Variants in PRKCSH observed in about 807,000 individuals in gnomAD.
The protein encoded by PRKCSH is glucosidase 2 subunit beta.
Under a neutral mutation model 79.7 loss-of-function variants are expected in PRKCSH, and 42 were observed. The observed-to-expected ratio is 0.53, with a 90% CI of 0.41 to 0.68. The LOEUF (loss-of-function observed/expected upper bound fraction) is 0.68. Among genes scored for constraint, PRKCSH ranks in the 30% least tolerant of loss-of-function variants. PRKCSH has a pLI of 0.00. For missense variants in PRKCSH, 686 were observed against 709.0 expected (o/e 0.97, Z 0.37); for synonymous variants, 325 against 288.2 (o/e 1.13, Z -1.29).
rs371933907 is a variant in PRKCSH, at chr19:11,449,499, C to G, written c.*16+71C>G. The G allele has an allele frequency of 6.3e-7, 1 of 1,577,016 alleles. No individual in the cohort carries two copies. ...GGCGGCGGGCCCTGAGGAAGATGGA[C>G]CCACATGGCCACTCTATCAACCTGT... On this transcript the variant is annotated intron_variant, in intron 17 of 17. Coordinates refer to ENST00000677123, the MANE Select transcript of PRKCSH (RefSeq NM_001289104.2). The surrounding 1 kb of genome is among the most constrained non-coding windows in gnomAD (Gnocchi z 6.4).
intron 6 of PRKCSH, among the ~76,000 whole-genome samples, chr19:11,441,591 T>C (rs1054576589): frequency 1.1e-4 from 17 of 152,112 alleles, no homozygotes; most frequent in African/African-American, 4.1e-4. Context: ...GGCATCAGAC[T>C]AAAGCAGGCT....
intron 7 of PRKCSH, among the ~76,000 whole-genome samples, chr19:11,444,403 A>T (rs1043974864): frequency 6.6e-6 from 1 of 152,142 alleles, no homozygotes; most frequent in Admixed American, 6.5e-5. Flanking sequence ...CTCACTGGCT[A>T]GGTGATTATG....
rs121918520 is a variant in PRKCSH, at chr19:11,448,917, C to T, written c.1290C>T (p.Tyr430=). 2.0e-5 allele frequency: 33 copies of T among 1,614,012 alleles called. No homozygotes were observed. The highest frequency in any genetic ancestry group is 1.1e-4 in the South Asian group (10 of 91,090). The change falls in exon 15 of 18, where the codon TAC becomes TAT. Residue 430 remains tyrosine (Y), a synonymous_variant. Coordinates refer to ENST00000677123, the MANE Select transcript of PRKCSH (RefSeq NM_001289104.2). The surrounding 1 kb of genome is among the most constrained non-coding windows in gnomAD (Gnocchi z 4.4). ...SQCYELTTNE[Y]VYRLCPFKLV... ...CATATGTCCCGGTCCTCCACAGATA[C>T]GTCTACCGCCTCTGCCCCTTCAAGC...
Position 11,449,480 on chromosome 19 carries a change from G to A in PRKCSH, c.*16+52G>A, listed in dbSNP as rs1026963694. 83 of 1,608,904 alleles carry A rather than the reference G, an allele frequency of 5.2e-5. 1 individual carries two copies. Among genetic ancestry groups the A allele is most frequent in the South Asian group, 8.8e-5 (8 of 90,860 alleles). On this transcript the variant is annotated intron_variant, in intron 17 of 17. Coordinates refer to ENST00000677123, the MANE Select transcript of PRKCSH (RefSeq NM_001289104.2). This position sits in a 1 kb window ranked among gnomAD's most constrained non-coding sequence, Gnocchi z 6.4. The stretch of plus-strand genomic sequence containing the variant: ...GCCTGCCCCAGCAAGGGGAGGCGGC[G>A]GGCCCTGAGGAAGATGGACCCACAT...
rs560813504 is a variant in PRKCSH at position 11,441,948 on chromosome 19, C to T, written c.469-438C>T. Reference sequence around the variant, plus strand: ...CTTGCCCAGTTCCTCTCCCTCTCTGCCTTGGGGGCAGGAGGCAAGGAAGGC... The same window carrying T: ...CTTGCCCAGTTCCTCTCCCTCTCTGTCTTGGGGGCAGGAGGCAAGGAAGGC... On this transcript the variant is annotated intron_variant, in intron 6 of 17. Transcript: ENST00000677123. Among the ~76,000 whole-genome samples the T allele has an allele frequency of 2.0e-5, 3 of 152,294 alleles. No individual in the cohort carries two copies. In the East Asian group the frequency reaches 5.8e-4, roughly 29 times the overall value.
intron 7 of PRKCSH, among the ~76,000 whole-genome samples, chr19:11,443,975 C>T (rs147215296): frequency 1.9e-4 from 29 of 152,114 alleles, no homozygotes; most frequent in Non-Finnish European, 4.1e-4. Context: ...GGGGTTTCAC[C>T]GTGTTGGCCA....
intron 5 of PRKCSH, among the ~76,000 whole-genome samples, chr19:11,439,176 A>T (rs1969926872): frequency 6.6e-6 from 1 of 152,134 alleles, no homozygotes. Context: ...CAAAGTGCTA[A>T]GCCGCCGCGC....
In PRKCSH at chr19:11,447,491, A is replaced by G; in HGVS notation, c.902A>G (p.Lys301Arg). 6.2e-7 allele frequency: 1 copy of G among 1,613,774 alleles called. No homozygotes were observed. The highest frequency in any genetic ancestry group is 8.5e-7 in the Non-Finnish European group (1 of 1,179,934). ...TCTGCCCCTGACTTGACGGAGCCCA[A>G]GGAGGAGCAGCCGCCAGTGCCCTCG... Reference protein sequence around the residue: ...APSAPDLTEPKEEQPPVPSSP... With the variant: ...APSAPDLTEPREEQPPVPSSP... The change falls in exon 11 of 18, where the codon AAG becomes AGG. Residue 301 changes from lysine (K) to arginine (R), a missense_variant. Transcript: ENST00000677123. The surrounding 1 kb of genome is among the most constrained non-coding windows in gnomAD (Gnocchi z 5.6).
At position 11,435,665 on chromosome 19, in the gene PRKCSH, C is replaced by G. The variant is rs115820640; in HGVS notation, c.-119C>G. 4,427 of 1,298,014 alleles carry G rather than the reference C, an allele frequency of 3.4e-3. 133 individuals are homozygous for G. In the African/African-American group the frequency reaches 0.06, roughly 17 times the overall value. The allele number at this position is 1,298,014 out of a possible 1,614,324, so 80.4% of individuals were successfully genotyped here. A position where few individuals can be genotyped will look rare whatever the true frequency, so the allele number is the denominator to read the frequency against. Reference sequence around the variant, plus strand: ...TGCAGCAGGAACCGCGGCTGCTGGACAAGAGGGGTGCGGTGGATACTGACC... The same window carrying G: ...TGCAGCAGGAACCGCGGCTGCTGGAGAAGAGGGGTGCGGTGGATACTGACC... On this transcript the variant is annotated 5_prime_UTR_variant, in exon 1 of 18. Transcript: ENST00000677123.
In PRKCSH at chr19:11,448,919, T is replaced by C. The variant is rs143784110; in HGVS notation, c.1292T>C (p.Val431Ala). Residue 431 changes from valine to alanine, a missense_variant, in exon 15 of 18, where the codon GTC (valine) becomes GCC (alanine). Val to Ala is a moderately conservative substitution (Grantham distance 64). This residue lies in a region of PRKCSH where 137 missense variants were observed against 188.8 expected (regional missense o/e 0.73). Transcript: ENST00000677123. The surrounding 1 kb of genome is among the most constrained non-coding windows in gnomAD (Gnocchi z 4.4). ...TATGTCCCGGTCCTCCACAGATACG[T>C]CTACCGCCTCTGCCCCTTCAAGCTT... ...QCYELTTNEY[V>A]YRLCPFKLVS... 1,025 of 1,614,102 alleles carry C rather than the reference T, an allele frequency of 6.4e-4. 3 individuals are homozygous for C. The highest frequency in any genetic ancestry group is 1.6e-3 in the Admixed American group (95 of 60,014).
intron 5 of PRKCSH, among the ~76,000 whole-genome samples, chr19:11,439,304 C>T (rs1969934889): frequency 6.6e-6 from 1 of 152,072 alleles, no homozygotes; most frequent in Admixed American, 6.5e-5. Context: ...CTCATGGTGG[C>T]TCCTGCCTGT....
intron 7 of PRKCSH, among the ~76,000 whole-genome samples, chr19:11,445,030 A>G (rs551299169): frequency 6.6e-6 from 1 of 151,778 alleles, no homozygotes; most frequent in South Asian, 2.1e-4. Context: ...AGCCCTTGTT[A>G]TCACCTGGCT....
At chr19:11,445,590 A>T in intron 8 of PRKCSH, 117 bp downstream of exon 8, 1 of 1,013,468 alleles carries the variant, frequency 9.9e-7, no homozygotes, top group Non-Finnish European at 1.5e-6. Context: ...CGTGGGGTCC[A>T]GGCTGATCCC....
intron 5 of PRKCSH, among the ~76,000 whole-genome samples, chr19:11,438,625 G>A (rs1265367166): frequency 6.6e-6 from 1 of 151,764 alleles, no homozygotes; most frequent in African/African-American, 2.4e-5. Context: ...TGTGGTGGCG[G>A]GCGCCTGTAG....
In PRKCSH at chr19:11,447,063, A is replaced by AAC; in HGVS notation, c.763-3_763-2dup. The AAC allele has an allele frequency of 6.2e-7, 1 of 1,613,610 alleles. No homozygotes were observed. Among genetic ancestry groups the AAC allele is most frequent in the Non-Finnish European group, 8.5e-7 (1 of 1,179,576 alleles). On this transcript the variant is annotated splice_polypyrimidine_tract_variant and intron_variant, in intron 9 of 17. Transcript: ENST00000677123. The surrounding 1 kb of genome is among the most constrained non-coding windows in gnomAD (Gnocchi z 5.6). ...TGGCCTAGATCTTGACACCACCCCC[A>AAC]ACACACACAGGCCCTCCTCAGTGGG...
chr19:11,438,749 C>T lies in PRKCSH; in HGVS notation c.350+625C>T, dbSNP rs1363838063. Among the ~76,000 whole-genome samples the T allele has an allele frequency of 4.3e-5, 6 of 139,544 alleles. No homozygotes were observed. The South Asian group carries it at 1.4e-3, about 32-fold the overall frequency. The allele number at this position is 139,544 out of a possible 152,430, so 91.5% of individuals were successfully genotyped here. A position where few individuals can be genotyped will look rare whatever the true frequency, so the allele number is the denominator to read the frequency against. On this transcript the variant is annotated intron_variant, in intron 5 of 17. Coordinates refer to ENST00000677123, the MANE Select transcript of PRKCSH (RefSeq NM_001289104.2). ...CAGCCTGGGCAACAGAGTGAGACTC[C>T]GTCTCAAAAAAAAAGCAAAAAAAAA...
chr19:11,448,982 GC>G lies in PRKCSH; in HGVS notation c.1357del (p.Gly454AlafsTer17). ...QKPKLGGSPTSLGTWGSWIGP... is the reference protein window; with the variant it reads ...QKPKLGGSPTXLGTWGSWIGP... Reference sequence around the variant, plus strand: ...CCCAAACTCGGGGGCTCTCCCACCAGCCTTGGGTGAGTGGCTTGGGCTGGCC... The same window carrying G: ...CCCAAACTCGGGGGCTCTCCCACCAGCTTGGGTGAGTGGCTTGGGCTGGCC... On this transcript the variant is annotated frameshift_variant, in exon 15 of 18. Coordinates refer to ENST00000677123, the MANE Select transcript of PRKCSH (RefSeq NM_001289104.2). LOFTEE classifies it high-confidence loss of function. The surrounding 1 kb of genome is among the most constrained non-coding windows in gnomAD (Gnocchi z 4.4). 1 of 1,614,124 alleles carries G rather than the reference GC, an allele frequency of 6.2e-7. No individual in the cohort carries two copies. Among genetic ancestry groups the G allele is most frequent in the Non-Finnish European group, 8.5e-7 (1 of 1,180,026 alleles).
chr19:11,441,799 G>A (rs1970074696), intron 6 of PRKCSH, among the ~76,000 whole-genome samples: 1 of 152,188 alleles, frequency 6.6e-6, no homozygotes, highest in South Asian at 2.1e-4. Flanking sequence ...GTCTCTCCCT[G>A]CCTTGCCTGT....
Position 11,448,484 on chromosome 19 carries a change from T to G in PRKCSH, c.1197-56T>G. 6.5e-7 allele frequency: 1 copy of G among 1,536,250 alleles called. No individual in the cohort carries two copies. Among genetic ancestry groups the G allele is most frequent in the Middle Eastern group, 1.7e-4 (1 of 5,926 alleles). On this transcript the variant is annotated intron_variant, in intron 13 of 17. Transcript: ENST00000677123. This position sits in a 1 kb window ranked among gnomAD's most constrained non-coding sequence, Gnocchi z 4.4. The stretch of plus-strand genomic sequence containing the variant: ...CCAGACCCTCCTGTGTCTGTCGTCC[T>G]GGGTCAGGCACTGGCGTCCCCAGCT...
Sources: allele counts gnomAD v4.1 joint callset (sites outside exome capture counted in the v4.1 genomes callset), GRCh38; gene constraint gnomAD v4.1.1; regional missense constraint gnomAD v4.1.1; non-coding constraint Gnocchi (gnomAD v3.1); transcripts MANE v1.5; gene names NCBI Gene and HGNC (gene_info 2026-07-23, HGNC 2026-07-21).